ACER1: variants seen among roughly 807,000 people sequenced by gnomAD.
The protein encoded by ACER1 is alkaline ceramidase 1, also known as CTB-180A7.3.
A neutral mutation model predicts 24.9 loss-of-function variants in ACER1; 28 were observed. That is an observed-to-expected ratio of 1.13 (90% CI 0.83 to 1.54). The LOEUF is 1.54. Ranked by LOEUF, ACER1 falls within the 40% of genes most tolerant of loss-of-function variation. The pLI is 0.00. For synonymous variants in ACER1, 132 were observed against 131.4 expected, an observed-to-expected ratio of 1.00 and a Z score of -0.03; for missense variants, 352 against 349.3, an observed-to-expected ratio of 1.01 and a Z score of -0.06.
chr19:6,335,211 C>T (rs1438123640), upstream of ACER1, among the ~76,000 whole-genome samples: 1 of 134,508 alleles, frequency 7.4e-6, no homozygotes, highest in Non-Finnish European at 1.6e-5. Flanking sequence ...TCAGTATTAT[C>T]TCATTTAACG....
chr19:6,355,538 C>G, the ACER1 span, among the ~76,000 whole-genome samples: 2 of 150,490 alleles, frequency 1.3e-5, no homozygotes, highest in Non-Finnish European at 3.0e-5. Context: ...AAATGAGGAG[C>G]GTCTCTGCCC....
the ACER1 span, among the ~76,000 whole-genome samples, chr19:6,338,883 T>TC: frequency 7.0e-6 from 1 of 143,282 alleles, no homozygotes; most frequent in Non-Finnish European, 1.5e-5. Context: ...CCTTAAAATC[T>TC]TTTTTTTTTT....
chr19:6,351,997 A>G, the ACER1 span, among the ~76,000 whole-genome samples: 3 of 149,846 alleles, frequency 2.0e-5, no homozygotes, highest in South Asian at 4.2e-4. Flanking sequence ...CGGAGCTTGC[A>G]GTGAGCCGAG....
the ACER1 span, among the ~76,000 whole-genome samples, chr19:6,341,311 A>T: frequency 1.3e-5 from 2 of 150,918 alleles, no homozygotes; most frequent in Non-Finnish European, 3.0e-5. Context: ...CTCCATCTCA[A>T]AAAAAACAAC....
chr19:6,309,575 TG>T, intron 4 of ACER1, 121 bp downstream of exon 4: 1 of 1,294,104 alleles, frequency 7.7e-7, no homozygotes, highest in Non-Finnish European at 1.1e-6. Flanking sequence ...GTTCAAATCC[TG>T]GCCCTGCTAC....
chr19:6,336,260 A>T (rs1210177083), upstream of ACER1, among the ~76,000 whole-genome samples: 1 of 151,536 alleles, frequency 6.6e-6, no homozygotes, highest in East Asian at 1.9e-4. Context: ...GCAGTGGCGC[A>T]ATCATAGTTC....
the ACER1 span, among the ~76,000 whole-genome samples, chr19:6,345,462 A>C: frequency 3.9e-5 from 6 of 152,208 alleles, no homozygotes; most frequent in East Asian, 1.9e-4. Context: ...TATACAGCTC[A>C]CATAATGTAG....
chr19:6,356,371 G>T, the ACER1 span, among the ~76,000 whole-genome samples: 1 of 148,886 alleles, frequency 6.7e-6, no homozygotes, highest in Admixed American at 6.7e-5. Context: ...GAAAACCAGA[G>T]ACCCTTGTTC....
the ACER1 span, among the ~76,000 whole-genome samples, chr19:6,348,665 G>C: frequency 1.3e-5 from 2 of 151,974 alleles, no homozygotes; most frequent in Non-Finnish European, 2.9e-5. Context: ...AAAAAAAGAT[G>C]ACAAAAGCTC....
At chr19:6,328,781 C>T (rs2091673799) in intron 1 of ACER1, among the ~76,000 whole-genome samples, 1 of 152,018 alleles carries the variant, frequency 6.6e-6, no homozygotes, top group African/African-American at 2.4e-5. Flanking sequence ...ATTCTCCTGC[C>T]TCAGTCTTCC....
At chr19:6,317,008 C>T (rs1354471477) in intron 1 of ACER1, among the ~76,000 whole-genome samples, 1 of 134,172 alleles carries the variant, frequency 7.5e-6, no homozygotes, top group East Asian at 2.4e-4. Flanking sequence ...GAGTCTCACT[C>T]TGTCACCCAG....
chr19:6,314,872 TTTTATTTATTTA>T (rs141253604), intron 1 of ACER1, among the ~76,000 whole-genome samples: 2,106 of 150,212 alleles, frequency 0.014, 48 homozygotes, highest in African/African-American at 0.048. Flanking sequence ...CACAATGGAA[TTTTATTTATTTA>T]TTTATTTATT....
chr19:6,312,699 G>A (rs1394608188), intron 1 of ACER1, among the ~76,000 whole-genome samples, 200 bp from the exon 2 acceptor site: 3 of 145,604 alleles, frequency 2.1e-5, no homozygotes, highest in Non-Finnish European at 4.5e-5. Context: ...ATGGAGTCTT[G>A]GAGTCTTGCT....
At chr19:6,356,042 G>C in the ACER1 span, among the ~76,000 whole-genome samples, 4 of 151,486 alleles carry the variant, frequency 2.6e-5, no homozygotes, top group South Asian at 4.1e-4. Context: ...GGGGAAAGGC[G>C]GGGAAAGGAT....
intron 1 of ACER1, among the ~76,000 whole-genome samples, chr19:6,319,407 A>G (rs2091619453): frequency 6.6e-6 from 1 of 152,078 alleles, no homozygotes; most frequent in African/African-American, 2.4e-5. Flanking sequence ...CTGGGATCCC[A>G]TCCAAAGCCA....
At chr19:6,312,532 T>C in intron 1 of ACER1, 33 bp from the exon 2 acceptor site, 1 of 1,570,156 alleles carries the variant, frequency 6.4e-7, no homozygotes, top group Non-Finnish European at 8.8e-7. Flanking sequence ...GAGGAGCTCG[T>C]CAGATAGGGG....
intron 3 of ACER1, among the ~76,000 whole-genome samples, chr19:6,311,785 A>G (rs1172535632): frequency 1.3e-5 from 2 of 150,604 alleles, no homozygotes; most frequent in East Asian, 2.0e-4. Context: ...GTCTAAGCAG[A>G]TCAGATGAAA....
At chr19:6,338,509 C>A (rs530478167), upstream of ACER1, among the ~76,000 whole-genome samples, 24 of 152,248 alleles carry the variant, frequency 1.6e-4, no homozygotes, top group South Asian at 1.7e-3. Context: ...AAAGAGGTAC[C>A]ACTGGGAGAA....
upstream of ACER1, among the ~76,000 whole-genome samples, chr19:6,338,361 G>T (rs2091722975): frequency 6.6e-6 from 1 of 152,188 alleles, no homozygotes. Flanking sequence ...TTATTGCATA[G>T]ATTTGCTCCC....
Sources: gnomAD v4.1 joint callset for allele counts (sites outside exome capture counted in the v4.1 genomes callset) on GRCh38, gnomAD v4.1.1 for gene constraint, MANE v1.5 for transcripts, NCBI Gene and HGNC (gene_info 2026-07-23, HGNC 2026-07-21) for gene names.